IL1RAPL2: variants seen among roughly 807,000 people sequenced by gnomAD.
IL1RAPL2 encodes the protein X-linked interleukin-1 receptor accessory protein-like 2.
In IL1RAPL2, 3 loss-of-function variants were observed where a neutral mutation model predicts 44.1. The ratio of observed to expected loss-of-function variants is 0.07; its 90% CI spans 0.03 to 0.18. IL1RAPL2 has a LOEUF of 0.18. IL1RAPL2 is among the 10% of genes least tolerant of loss of function. The pLI is 1.00. For synonymous variants in IL1RAPL2, 181 were observed against 178.8 expected (o/e 1.01, Z -0.10); for missense variants, 391 against 496.4 (o/e 0.79, Z 2.02).
chrX:105,177,361 G>C (rs962923208), intron 2 of IL1RAPL2, among the ~76,000 whole-genome samples: 1 of 110,275 alleles, frequency 9.1e-6, no homozygotes, highest in Admixed American at 9.8e-5. Flanking sequence ...AACAAGCTCA[G>C]GTCCCACTGA....
chrX:104,707,249 A>T (rs971398045), intron 2 of IL1RAPL2, among the ~76,000 whole-genome samples: 1 of 111,563 alleles, frequency 9.0e-6, no homozygotes, highest in Non-Finnish European at 1.9e-5. Flanking sequence ...TAGTCAGCAA[A>T]TCGAGGTTTT....
intron 6 of IL1RAPL2, among the ~76,000 whole-genome samples, chrX:105,506,315 CTG>C (rs2036430866): frequency 9.0e-6 from 1 of 111,598 alleles, no homozygotes; most frequent in Non-Finnish European, 1.9e-5. Context: ...ATGATTTTGA[CTG>C]TGGCCACTCA....
intron 2 of IL1RAPL2, among the ~76,000 whole-genome samples, chrX:104,702,357 G>A (rs951250271): frequency 8.9e-6 from 1 of 111,907 alleles, no homozygotes; most frequent in Non-Finnish European, 1.9e-5. Context: ...TTCAGGTCAA[G>A]ACTCTTAGAA....
intron 5 of IL1RAPL2, among the ~76,000 whole-genome samples, chrX:105,318,176 CG>C (rs1437649688): frequency 3.6e-5 from 4 of 110,380 alleles, no homozygotes; most frequent in Admixed American, 9.6e-5. Flanking sequence ...GGTTTCACCA[CG>C]TTAGCCAGGA....
intron 1 of IL1RAPL2, among the ~76,000 whole-genome samples, chrX:104,623,323 A>G (rs751756474): frequency 1.4e-4 from 15 of 110,694 alleles, no homozygotes; most frequent in Non-Finnish European, 2.6e-4. Context: ...TTGTTTCCAA[A>G]GGACATTTCT....
intron 6 of IL1RAPL2, among the ~76,000 whole-genome samples, chrX:105,664,786 A>T (rs968966970): frequency 2.8e-4 from 31 of 111,700 alleles, no homozygotes; most frequent in African/African-American, 9.8e-4. Flanking sequence ...TCCTCAATAA[A>T]GAGGGTGTCA....
At chrX:105,009,325 A>G (rs1432830501) in intron 2 of IL1RAPL2, among the ~76,000 whole-genome samples, 2 of 110,600 alleles carry the variant, frequency 1.8e-5, no homozygotes, top group Non-Finnish European at 3.8e-5. Flanking sequence ...CACTATTCAC[A>G]ATAGCAAAGA....
At chrX:104,734,378 C>G (rs1357581280) in intron 2 of IL1RAPL2, among the ~76,000 whole-genome samples, 1 of 112,426 alleles carries the variant, frequency 8.9e-6, no homozygotes, top group African/African-American at 3.2e-5. Flanking sequence ...CTAATAACCC[C>G]CAATTGGAAA....
chrX:105,175,399 A>G (rs1034281233), intron 2 of IL1RAPL2, among the ~76,000 whole-genome samples: 7 of 111,493 alleles, frequency 6.3e-5, no homozygotes, highest in African/African-American at 9.8e-5. Context: ...AATTATGTCC[A>G]TTTTACAGAT....
chrX:105,680,447 T>C (rs2037914662), intron 6 of IL1RAPL2, among the ~76,000 whole-genome samples: 1 of 112,329 alleles, frequency 8.9e-6, no homozygotes, highest in African/African-American at 3.2e-5. Flanking sequence ...GCATTGGCTT[T>C]ATAAAGTCAG....
intron 5 of IL1RAPL2, 107 bp downstream of exon 5, chrX:105,267,648 G>A (rs988702614): frequency 1.1e-5 from 6 of 566,665 alleles, no homozygotes; most frequent in African/African-American, 2.3e-5. Context: ...ATTTAGAATT[G>A]CCTGCAAATC....
At chrX:105,333,850 T>G (rs905033085) in intron 5 of IL1RAPL2, among the ~76,000 whole-genome samples, 22 of 112,043 alleles carry the variant, frequency 2.0e-4, no homozygotes, top group African/African-American at 6.8e-4. Context: ...CAAATGGCTT[T>G]CATCCAAAAG....
intron 1 of IL1RAPL2, among the ~76,000 whole-genome samples, chrX:104,590,101 GT>G (rs1189144992): frequency 8.9e-6 from 1 of 111,807 alleles, no homozygotes; most frequent in Non-Finnish European, 1.9e-5. Flanking sequence ...CTGGAGTGCA[GT>G]GACATGATCT....
intron 6 of IL1RAPL2, among the ~76,000 whole-genome samples, chrX:105,646,687 C>T (rs913163748): frequency 8.9e-6 from 1 of 111,994 alleles, no homozygotes; most frequent in Non-Finnish European, 1.9e-5. Flanking sequence ...GCCTCAAACC[C>T]TTAATCTATC....
At chrX:105,324,600 T>C (rs2034921699) in intron 5 of IL1RAPL2, among the ~76,000 whole-genome samples, 1 of 111,742 alleles carries the variant, frequency 8.9e-6, no homozygotes, top group Admixed American at 9.6e-5. Flanking sequence ...CCTTACTTTA[T>C]ATTGTAATTT....
intron 6 of IL1RAPL2, among the ~76,000 whole-genome samples, chrX:105,663,337 G>C (rs889532144): frequency 8.9e-6 from 1 of 111,979 alleles, no homozygotes. Flanking sequence ...TATCAAAAAA[G>C]TTTAAATTTA....
chrX:105,645,683 A>G (rs2037600402), intron 6 of IL1RAPL2, among the ~76,000 whole-genome samples: 1 of 111,934 alleles, frequency 8.9e-6, no homozygotes, highest in Non-Finnish European at 1.9e-5. Flanking sequence ...TACCCCACAC[A>G]GTTTTATTAA....
At chrX:105,003,707 C>A (rs2030892666) in intron 2 of IL1RAPL2, among the ~76,000 whole-genome samples, 2 of 110,171 alleles carry the variant, frequency 1.8e-5, no homozygotes, top group South Asian at 7.8e-4. Flanking sequence ...CCATGTGATT[C>A]TGCAACTCTG....
intron 1 of IL1RAPL2, among the ~76,000 whole-genome samples, chrX:104,643,384 C>G (rs1021652406): frequency 9.0e-6 from 1 of 111,417 alleles, no homozygotes; most frequent in East Asian, 2.8e-4. Context: ...TATAAAAAGA[C>G]CTACTGTTCA....
Sources: gnomAD v4.1 joint callset for allele counts (sites outside exome capture counted in the v4.1 genomes callset) on GRCh38, gnomAD v4.1.1 for gene constraint, MANE v1.5 for transcripts, NCBI Gene and HGNC (gene_info 2026-07-23, HGNC 2026-07-21) for gene names.